The following ZNF541 variants were observed in gnomAD, a reference collection of about 807,000 sequenced individuals.
ZNF541 encodes zinc finger protein 541.
In ZNF541, 23 loss-of-function variants were observed where a neutral mutation model predicts 123.5. The observed-to-expected ratio is 0.19, with a 90% CI of 0.13 to 0.26. ZNF541 has a LOEUF of 0.26. Among genes scored for constraint, ZNF541 ranks in the 10% least tolerant of loss-of-function variants. ZNF541 has a pLI of 1.00. For synonymous variants in ZNF541, 751 were observed against 754.5 expected, an observed-to-expected ratio of 1.00 and a Z score of 0.08; for missense variants, 1,612 against 1,789.9, an observed-to-expected ratio of 0.90 and a Z score of 1.79.
chr19:47,563,410 G>A (rs1344638729), intron 2 of ZNF541, among the ~76,000 whole-genome samples: 1 of 152,086 alleles, frequency 6.6e-6, no homozygotes. Context: ...GATGATATTC[G>A]AGATGCCTCA....
At chr19:47,570,883 G>C (rs1299483163) in intron 2 of ZNF541, among the ~76,000 whole-genome samples, 1 of 150,842 alleles carries the variant, frequency 6.6e-6, no homozygotes, top group African/African-American at 2.4e-5. Context: ...AGGAGGCAGA[G>C]GTTGCAGTGA....
intron 4 of ZNF541, among the ~76,000 whole-genome samples, chr19:47,546,803 C>A (rs1466752597): frequency 2.0e-5 from 3 of 152,168 alleles, no homozygotes; most frequent in African/African-American, 4.8e-5. Flanking sequence ...CTCACTGCAA[C>A]TCTGCCCCCC....
At chr19:47,566,987 C>A (rs1251352177) in intron 2 of ZNF541, among the ~76,000 whole-genome samples, 1 of 150,168 alleles carries the variant, frequency 6.7e-6, no homozygotes, top group Non-Finnish European at 1.5e-5. Context: ...GGAGGCGGAG[C>A]TTGCAGTGAG....
chr19:47,531,543 G>T, intron 12 of ZNF541, 99 bp downstream of exon 12: 1 of 923,968 alleles, frequency 1.1e-6, no homozygotes. Flanking sequence ...CCTTCTTCCA[G>T]CTTCCATCCG....
At chr19:47,531,994 G>T in intron 11 of ZNF541, 134 bp downstream of exon 11, 2 of 1,257,568 alleles carry the variant, frequency 1.6e-6, no homozygotes, top group Non-Finnish European at 2.2e-6. Context: ...CTGGCCAAGA[G>T]CCAGCTCCCT....
rs1970329231 is a variant in ZNF541 at position 47,545,800 on chromosome 19, G to C, written c.729C>G (p.His243Gln). 1.9e-6 allele frequency: 3 copies of C among 1,543,700 alleles called. No homozygotes were observed. The highest frequency in any genetic ancestry group is 1.4e-5 in the African/African-American group (1 of 72,912). Residue 243 changes from histidine (H) to glutamine (Q), a missense_variant, in exon 5 of 17, where the codon CAC (histidine) becomes CAG (glutamine). By Grantham distance (24) the His-to-Gln change is conservative (BLOSUM62 0). Around this residue, in one of 5 missense-constraint regions of ZNF541, gnomAD observed 1,080 missense variants for 1,013.8 expected, o/e 1.07. Transcript: ENST00000391901. This position sits in a 1 kb window ranked among gnomAD's most constrained non-coding sequence, Gnocchi z 7.5. ...EEACGDSPHA[H>Q]ESAGQPPPSS... ...TGGGGGGCGGCTGGCCGGCCGACTCGTGGGCGTGGGGGGAGTCCCCGCAGG... is the reference window on the plus strand; with the variant it reads ...TGGGGGGCGGCTGGCCGGCCGACTCCTGGGCGTGGGGGGAGTCCCCGCAGG...
chr19:47,569,488 G>A (rs900405298), intron 2 of ZNF541, among the ~76,000 whole-genome samples: 7 of 151,972 alleles, frequency 4.6e-5, no homozygotes, highest in Admixed American at 3.3e-4. Flanking sequence ...ACGCTTGCCC[G>A]CTCCACTATG....
chr19:47,524,260 T>A (rs1277125325), intron 14 of ZNF541, among the ~76,000 whole-genome samples: 1 of 152,084 alleles, frequency 6.6e-6, no homozygotes, highest in Non-Finnish European at 1.5e-5. Context: ...CGTGATCTGG[T>A]GAAAATCACC....
Position 47,521,012 on chromosome 19 carries a change from T to A in ZNF541, c.*212A>T, listed in dbSNP as rs1349755869. The A allele has an allele frequency of 8.5e-6, 5 of 589,704 alleles. No homozygotes were observed. Among genetic ancestry groups the A allele is most frequent in the Non-Finnish European group, 1.2e-5 (4 of 336,884 alleles). The allele number at this position is 589,704 out of a possible 1,614,324, so 36.5% of individuals were successfully genotyped here. ...CTATGAACCTAAGGAGAGTGGAGCC[T>A]CCAGCACCACCGGACAGGGACTGCA... On this transcript the variant is annotated 3_prime_UTR_variant, in exon 17 of 17. Coordinates refer to ENST00000391901, the MANE Select transcript of ZNF541 (RefSeq NM_001277075.3). This position sits in a 1 kb window ranked among gnomAD's most constrained non-coding sequence, Gnocchi z 4.2.
At chr19:47,524,502 T>C (rs867408891) in intron 14 of ZNF541, among the ~76,000 whole-genome samples, 3 of 152,172 alleles carry the variant, frequency 2.0e-5, no homozygotes, top group South Asian at 2.1e-4. Flanking sequence ...GGTCAGGAGT[T>C]TGAGACCACC....
chr19:47,556,734 G>A (rs1408499896), intron 2 of ZNF541, among the ~76,000 whole-genome samples: 4 of 150,872 alleles, frequency 2.7e-5, no homozygotes, highest in African/African-American at 9.8e-5. Flanking sequence ...TAGATTAAAT[G>A]TGGAATGATA....
Position 47,545,215 on chromosome 19 carries a change from G to A in ZNF541, c.1314C>T (p.Ala438=), listed in dbSNP as rs1970283897. Residue 438 remains alanine, a synonymous_variant, in exon 5 of 17, where the codon GCC becomes GCT. Coordinates refer to ENST00000391901, the MANE Select transcript of ZNF541 (RefSeq NM_001277075.3). The surrounding 1 kb of genome is among the most constrained non-coding windows in gnomAD (Gnocchi z 7.5). ...NNVFVVHKPS[A]VPSREGSESG... Reference sequence around the variant, plus strand: ...ACTCGGAGCCCTCCCGCGAGGGCACGGCCGAGGGCTTGTGGACAACAAACA... The same window carrying A: ...ACTCGGAGCCCTCCCGCGAGGGCACAGCCGAGGGCTTGTGGACAACAAACA... 1 of 1,535,230 alleles carries A rather than the reference G, an allele frequency of 6.5e-7. No homozygotes were observed. Among genetic ancestry groups the A allele is most frequent in the South Asian group, 1.2e-5 (1 of 83,226 alleles).
chr19:47,572,973 A>G (rs1002086502), intron 1 of ZNF541, among the ~76,000 whole-genome samples, 110 bp downstream of exon 1: 2 of 151,390 alleles, frequency 1.3e-5, no homozygotes, highest in African/African-American at 4.8e-5. Context: ...AAAGAAATCA[A>G]GAAACGAATG....
intron 3 of ZNF541, among the ~76,000 whole-genome samples, chr19:47,550,346 AAAGG>A (rs879531259): frequency 2.0e-4 from 30 of 151,518 alleles, no homozygotes; most frequent in African/African-American, 5.6e-4. Flanking sequence ...AAAGAGAAAG[AAAGG>A]AAGGAAGGAA....
intron 9 of ZNF541, among the ~76,000 whole-genome samples, chr19:47,536,658 C>T (rs534082928): frequency 1.2e-4 from 18 of 152,120 alleles, no homozygotes; most frequent in African/African-American, 3.1e-4. Flanking sequence ...TACTCTGGGC[C>T]GAAGCAGAAG....
At position 47,545,064 on chromosome 19, in the gene ZNF541, G is replaced by T. The variant is rs1163710168; in HGVS notation, c.1465C>A (p.Pro489Thr). The T allele has an allele frequency of 6.8e-7, 1 of 1,478,392 alleles. No individual in the cohort carries two copies. Among genetic ancestry groups the T allele is most frequent in the East Asian group, 2.5e-5 (1 of 40,326 alleles). The allele number at this position is 1,478,392 out of a possible 1,614,324, so 91.6% of individuals were successfully genotyped here. ...TCATCTTCCCCGCTGGCCGACCTGG[G>T]GTCGCTCGGGGCCTCCGCGGGGACC... is the stretch of plus-strand genomic sequence containing the variant. ...LRVPAEAPSD[P>T]RSASGEDDPC... Residue 489 changes from proline to threonine, a missense_variant, in exon 5 of 17, where the codon CCC (proline) becomes ACC (threonine). Around this residue, in one of 5 missense-constraint regions of ZNF541, gnomAD observed 1,080 missense variants for 1,013.8 expected, o/e 1.07. Coordinates refer to ENST00000391901, the MANE Select transcript of ZNF541 (RefSeq NM_001277075.3). The surrounding 1 kb of genome is among the most constrained non-coding windows in gnomAD (Gnocchi z 7.5).
chr19:47,545,102 G>A lies in ZNF541; in HGVS notation c.1427C>T (p.Ala476Val), dbSNP rs1340668797. 2.0e-6 allele frequency: 3 copies of A among 1,479,860 alleles called. No individual in the cohort carries two copies. Among genetic ancestry groups the A allele is most frequent in the Non-Finnish European group, 2.7e-6 (3 of 1,118,378 alleles). The allele number at this position is 1,479,860 out of a possible 1,614,324, so 91.7% of individuals were successfully genotyped here. The change falls in exon 5 of 17, where the codon GCC becomes GTC. Residue 476 changes from alanine (A) to valine (V), a missense_variant. Physicochemically the swap from Ala to Val is moderately conservative, Grantham distance 64. Transcript: ENST00000391901. The surrounding 1 kb of genome is among the most constrained non-coding windows in gnomAD (Gnocchi z 7.5). ...GGLEDALPFP[A>V]ALLRVPAEAP... ...CTCCGCGGGGACCCTGAGGAGCGCGGCAGGGAAGGGCAGAGCATCCTCCAG... is the reference window on the plus strand; with the variant it reads ...CTCCGCGGGGACCCTGAGGAGCGCGACAGGGAAGGGCAGAGCATCCTCCAG...
At chr19:47,540,724 G>C (rs1203278018) in intron 6 of ZNF541, among the ~76,000 whole-genome samples, 169 bp downstream of exon 6, 2 of 152,180 alleles carry the variant, frequency 1.3e-5, no homozygotes, top group Non-Finnish European at 2.9e-5. Context: ...ACAGGCGTGA[G>C]CCACCGCGTC....
chr19:47,544,913 C>A lies in ZNF541; in HGVS notation c.1616G>T (p.Arg539Leu), dbSNP rs928893029. 6.5e-7 allele frequency: 1 copy of A among 1,535,860 alleles called. No homozygotes were observed. The highest frequency in any genetic ancestry group is 1.4e-5 in the African/African-American group (1 of 73,172). ...GLPADASPLF[R>L]QLFLKSQEPL... ...TTCCTGCGACTTGAGGAAGAGCTGG[C>A]GGAAGAGCGGCGAGGCATCCGCAGG... is the stretch of plus-strand genomic sequence containing the variant. Residue 539 changes from arginine (R) to leucine (L), a missense_variant, in exon 5 of 17, where the codon CGC becomes CTC. Coordinates refer to ENST00000391901, the MANE Select transcript of ZNF541 (RefSeq NM_001277075.3).
Sources: allele counts gnomAD v4.1 joint callset (sites outside exome capture counted in the v4.1 genomes callset), GRCh38; gene constraint gnomAD v4.1.1; regional missense constraint gnomAD v4.1.1; non-coding constraint Gnocchi (gnomAD v3.1); transcripts MANE v1.5; gene names NCBI Gene and HGNC (gene_info 2026-07-23, HGNC 2026-07-21).